HNRNPUL1: variants seen among roughly 807,000 people sequenced by gnomAD.
HNRNPUL1 encodes the protein heterogeneous nuclear ribonucleoprotein U like 1, also known as heterogeneous nuclear ribonucleoprotein U-like protein 1.
A neutral mutation model predicts 108.5 loss-of-function variants in HNRNPUL1; 14 were observed. The ratio of observed to expected loss-of-function variants is 0.13; its 90% CI spans 0.09 to 0.20. The LOEUF (loss-of-function observed/expected upper bound fraction) is 0.20. Ranked by LOEUF, HNRNPUL1 falls within the 10% of genes least tolerant of loss-of-function variation. The pLI is 1.00. For missense variants in HNRNPUL1, 804 were observed against 1,168.3 expected (o/e 0.69, Z 4.55); for synonymous variants, 422 against 445.2 (o/e 0.95, Z 0.66).
intron 5 of HNRNPUL1, 67 bp downstream of exon 5, chr19:41,276,365 C>T (rs780083454): frequency 5.9e-6 from 9 of 1,516,274 alleles, no homozygotes; most frequent in Admixed American, 2.1e-5. Flanking sequence ...TGATACCAGC[C>T]ACCTTGGTCA....
intron 1 of HNRNPUL1, among the ~76,000 whole-genome samples, chr19:41,265,952 C>G (rs749941737): frequency 3.3e-5 from 5 of 151,938 alleles, no homozygotes; most frequent in Non-Finnish European, 7.4e-5. Flanking sequence ...CTGAGCGTCT[C>G]CAGGAGAAAT....
Position 41,276,044 on chromosome 19 carries a change from G to A in HNRNPUL1, c.647-115G>A, listed in dbSNP as rs549294227. ...CTTGAACCCGGGAGGCGGAGGTTGC[G>A]GTGAGCCAAGATCGCACCATTGCAC... On this transcript the variant is annotated intron_variant, in intron 4 of 14. Transcript: ENST00000392006. 568 of 1,344,012 alleles carry A rather than the reference G, an allele frequency of 4.2e-4. 5 individuals carry two copies. In the South Asian group the frequency reaches 6.3e-3, roughly 15 times the overall value. 83.3% of individuals were successfully genotyped at this position (1,344,012 alleles called of 1,614,324 possible).
chr19:41,304,097 C>G lies in HNRNPUL1; in HGVS notation c.2098C>G (p.Gln700Glu). 1 of 1,613,074 alleles carries G rather than the reference C, an allele frequency of 6.2e-7. No individual in the cohort carries two copies. Among genetic ancestry groups the G allele is most frequent in the South Asian group, 1.1e-5 (1 of 91,054 alleles). Residue 700 changes from glutamine (Q) to glutamate (E), a missense_variant, in exon 13 of 15, where the codon CAG (glutamine) becomes GAG (glutamate). Gln to Glu is a conservative substitution (Grantham distance 29). Around this residue, in one of 4 missense-constraint regions of HNRNPUL1, gnomAD observed 294 missense variants for 388.3 expected, o/e 0.76. Transcript: ENST00000392006. ...TCCCCAGCAACAGCCGCCACCACAG[C>G]AGCCTCCGCCACCACAGCCACCACC... Reference protein sequence around the residue: ...RAPQQQPPPQQPPPPQPPPQQ... With the variant: ...RAPQQQPPPQEPPPPQPPPQQ...
chr19:41,273,953 G>C (rs567150808), intron 3 of HNRNPUL1, 29 bp from the exon 4 acceptor site: 1 of 1,570,794 alleles, frequency 6.4e-7, no homozygotes, highest in African/African-American at 1.4e-5. Flanking sequence ...CATTGTTCTT[G>C]TATGACTTAA....
At chr19:41,264,827 A>T in intron 1 of HNRNPUL1, 29 bp downstream of exon 1, 1 of 1,339,778 alleles carries the variant, frequency 7.5e-7, no homozygotes, top group South Asian at 1.9e-5. Flanking sequence ...GGGGCCGGGG[A>T]GCCCGGAGCC....
rs745982720 is a variant in HNRNPUL1, at chr19:41,294,708, G to T, written c.1518+22G>T. The T allele has an allele frequency of 9.3e-6, 15 of 1,613,580 alleles. No individual in the cohort carries two copies. The highest frequency in any genetic ancestry group is 2.2e-5 in the South Asian group (2 of 90,954). On this transcript the variant is annotated intron_variant, in intron 10 of 14. Transcript: ENST00000392006. The surrounding 1 kb of genome is among the most constrained non-coding windows in gnomAD (Gnocchi z 4.3). ...TCAGGTACTTAATGATGACCATTGT[G>T]TCCTCAGGAGAAGGGAGGGGACCCC...
At chr19:41,265,436 ATT>A in intron 1 of HNRNPUL1, 1 of 1,405,552 alleles carries the variant, frequency 7.1e-7, no homozygotes, top group East Asian at 2.7e-5. Context: ...GCTAGTGAGC[ATT>A]TAGGGGCTGC....
rs577382319 is a variant in HNRNPUL1 at position 41,299,202 on chromosome 19, C to T, written c.1519-2334C>T. Among the ~76,000 whole-genome samples, 8 of 152,296 alleles carry T rather than the reference C, an allele frequency of 5.3e-5. No individual in the cohort carries two copies. The East Asian group carries it at 1.4e-3, about 26-fold the overall frequency. On this transcript the variant is annotated intron_variant, in intron 10 of 14. Transcript: ENST00000392006. ...GGGCCGGTGTCCAAGACCCCAAGAA[C>T]AGTATGTGTGTGCCTGTCACCCACA...
rs759497265 is a variant in HNRNPUL1 at position 41,294,638 on chromosome 19, C to T, written c.1470C>T (p.Arg490=). 30 of 1,614,082 alleles carry T rather than the reference C, an allele frequency of 1.9e-5. No individual in the cohort carries two copies. The highest frequency in any genetic ancestry group is 2.5e-5 in the Non-Finnish European group (30 of 1,180,050). ...AGCAGGCCACCCAGTGCCTCAACCG[C>T]CTCATCCAGATTGCTGCCCGCAAGA... The part of the protein sequence containing the change: ...LIQQATQCLN[R]LIQIAARKKR... Residue 490 remains arginine (R), a synonymous_variant, in exon 10 of 15, where the codon CGC becomes CGT. Transcript: ENST00000392006. The surrounding 1 kb of genome is among the most constrained non-coding windows in gnomAD (Gnocchi z 4.3).
At chr19:41,272,011 A>C in intron 2 of HNRNPUL1, 71 bp from the exon 3 acceptor site, 1 of 1,546,974 alleles carries the variant, frequency 6.5e-7, no homozygotes, top group Non-Finnish European at 8.8e-7. Context: ...TCTCAAGGGA[A>C]AAGGGACCAG....
chr19:41,305,581 A>G, intron 13 of HNRNPUL1, 95 bp from the exon 14 acceptor site: 1 of 1,498,984 alleles, frequency 6.7e-7, no homozygotes. Context: ...CTGTGGGCCA[A>G]CCACTTAAAA....
intron 10 of HNRNPUL1, 71 bp from the exon 11 acceptor site, chr19:41,301,465 T>A: frequency 1.5e-6 from 2 of 1,349,100 alleles, no homozygotes; most frequent in East Asian, 4.7e-5. Context: ...CTGGCCTACA[T>A]AATACCCCTC....
At chr19:41,297,169 C>T (rs1285259952) in intron 10 of HNRNPUL1, among the ~76,000 whole-genome samples, 1 of 152,202 alleles carries the variant, frequency 6.6e-6, no homozygotes, top group Non-Finnish European at 1.5e-5. Context: ...AGAGAGGAAG[C>T]TGAAGCCTCT....
At chr19:41,264,854 C>T in intron 1 of HNRNPUL1, 56 bp downstream of exon 1, 1 of 1,350,790 alleles carries the variant, frequency 7.4e-7, no homozygotes, top group Non-Finnish European at 9.5e-7. Flanking sequence ...GAGGAAAGGG[C>T]TGTGGGACGC....
chr19:41,284,782 G>A (rs1191255950), intron 7 of HNRNPUL1, among the ~76,000 whole-genome samples: 2 of 152,152 alleles, frequency 1.3e-5, no homozygotes, highest in Non-Finnish European at 2.9e-5. Flanking sequence ...CAGATCACGA[G>A]GTCAGGAGAT....
chr19:41,302,927 T>C lies in HNRNPUL1; in HGVS notation c.1950T>C (p.Gly650=). 1 of 1,528,312 alleles carries C rather than the reference T, an allele frequency of 6.5e-7. No individual in the cohort carries two copies. The highest frequency in any genetic ancestry group is 8.8e-7 in the Non-Finnish European group (1 of 1,139,768). 94.7% of individuals were successfully genotyped at this position (1,528,312 alleles called of 1,614,324 possible). A position where few individuals can be genotyped will look rare whatever the true frequency, so the allele number is the denominator to read the frequency against. The change falls in exon 12 of 15, where the codon GGT becomes GGC. Residue 650 remains glycine, a synonymous_variant. Coordinates refer to ENST00000392006, the MANE Select transcript of HNRNPUL1 (RefSeq NM_007040.6). Reference sequence around the variant, plus strand: ...TCCAGAACCGAGGGGGAGGCAGCGGTGGAGGAGGCAACTACCGAGGAGGTG... The same window carrying C: ...TCCAGAACCGAGGGGGAGGCAGCGGCGGAGGAGGCAACTACCGAGGAGGTG... ...GGFQNRGGGS[G]GGGNYRGGFN... is the part of the protein sequence containing the mutation.
At chr19:41,285,895 G>A (rs932974699) in intron 7 of HNRNPUL1, among the ~76,000 whole-genome samples, 7 of 152,116 alleles carry the variant, frequency 4.6e-5, no homozygotes, top group African/African-American at 1.2e-4. Context: ...CTGGCTGAGC[G>A]CAGTGGCTCA....
chr19:41,280,316 CTG>C (rs962288330), intron 6 of HNRNPUL1, among the ~76,000 whole-genome samples: 6 of 152,018 alleles, frequency 3.9e-5, no homozygotes, highest in African/African-American at 1.5e-4. Context: ...ACTATGCAAT[CTG>C]TGCATGTAAC....
At chr19:41,277,022 A>T (rs1185377448) in intron 5 of HNRNPUL1, among the ~76,000 whole-genome samples, 1 of 151,808 alleles carries the variant, frequency 6.6e-6, no homozygotes, top group Non-Finnish European at 1.5e-5. Context: ...GCTTGAACCC[A>T]AGAGGCAGAG....
Sources: allele counts gnomAD v4.1 joint callset (sites outside exome capture counted in the v4.1 genomes callset), GRCh38; gene constraint gnomAD v4.1.1; regional missense constraint gnomAD v4.1.1; non-coding constraint Gnocchi (gnomAD v3.1); transcripts MANE v1.5; gene names NCBI Gene and HGNC (gene_info 2026-07-23, HGNC 2026-07-21).